SETD2: variants seen among roughly 807,000 people sequenced by gnomAD.
SETD2 encodes the protein histone-lysine N-methyltransferase SETD2.
In SETD2, 31 loss-of-function variants were observed where a neutral mutation model predicts 242.1. That is an observed-to-expected ratio of 0.13 (90% CI 0.10 to 0.17). The LOEUF (loss-of-function observed/expected upper bound fraction) is 0.17, where lower values mean the gene tolerates loss of function less well. SETD2 is among the 10% of genes least tolerant of loss of function. The pLI is 1.00. For missense variants in SETD2, 2,481 were observed against 3,046.3 expected (o/e 0.81, Z 4.37); for synonymous variants, 1,006 against 1,066.5 (o/e 0.94, Z 1.11).
chr3:47,094,354 T>C (rs545576562), intron 9 of SETD2, among the ~76,000 whole-genome samples: 1 of 152,270 alleles, frequency 6.6e-6, no homozygotes, highest in South Asian at 2.1e-4. Flanking sequence ...ACAGATGCAA[T>C]CATAAGAACA....
chr3:47,150,697 A>G (rs2043964168), intron 1 of SETD2, among the ~76,000 whole-genome samples: 1 of 152,064 alleles, frequency 6.6e-6, no homozygotes, highest in Non-Finnish European at 1.5e-5. Context: ...ATGTCTGGTA[A>G]TAGGCTGGGC....
At position 47,058,962 on chromosome 3, in the gene SETD2, TTTGTTG is replaced by T. The variant is rs545561796; in HGVS notation, c.6294-1478_6294-1473del. 1.6e-3 allele frequency among the ~76,000 whole-genome samples: 244 copies of T among 151,094 alleles called. 1 individual carries two copies. Among genetic ancestry groups the T allele is most frequent in the African/African-American group, 4.5e-3 (184 of 41,160 alleles). On this transcript the variant is annotated intron_variant, in intron 14 of 20. Coordinates refer to ENST00000409792, the MANE Select transcript of SETD2 (RefSeq NM_014159.7). ...GGTGCCCGCCACCATGCCTGGCTAA[TTTGTTG>T]TTGTTGTTGTTGTTGTATTTTTAGT...
At chr3:47,042,997 C>T (rs2039352437) in intron 16 of SETD2, among the ~76,000 whole-genome samples, 1 of 148,062 alleles carries the variant, frequency 6.8e-6, no homozygotes, top group South Asian at 2.1e-4. Flanking sequence ...CTGCAGGATA[C>T]CAATTAACTA....
Position 47,122,144 on chromosome 3 carries a change from G to T in SETD2, c.2492C>A (p.Ser831Ter), listed in dbSNP as rs2106670355. The T allele has an allele frequency of 1.2e-6, 2 of 1,613,884 alleles. No individual in the cohort carries two copies. The highest frequency in any genetic ancestry group is 1.1e-5 in the South Asian group (1 of 91,056). Reference sequence around the variant, plus strand: ...TCTACTATCACATATAACTGGTTTTGATTCCAAATGCACATTCATAAAGCT... The same window carrying T: ...TCTACTATCACATATAACTGGTTTTTATTCCAAATGCACATTCATAAAGCT... ...SNSFMNVHLE[S>*]KPVICDSRNL... Residue 831 changes from serine to a stop codon, truncating the protein, a stop_gained, in exon 3 of 21, where the codon TCA becomes TAA. Transcript: ENST00000409792. LOFTEE classifies it high-confidence loss of function.
intron 1 of SETD2, among the ~76,000 whole-genome samples, chr3:47,131,268 T>C (rs2043468298): frequency 6.6e-6 from 1 of 152,250 alleles, no homozygotes; most frequent in Non-Finnish European, 1.5e-5. Context: ...TTTTGTGCAA[T>C]TCTGAAAGTC....
chr3:47,103,286 T>C (rs1329874224), intron 7 of SETD2, 60 bp downstream of exon 7: 7 of 1,128,236 alleles, frequency 6.2e-6, no homozygotes, highest in African/African-American at 1.5e-5. Context: ...GATCTAAAAT[T>C]AATGGTCAGA....
chr3:47,122,168 C>T lies in SETD2; in HGVS notation c.2468G>A (p.Ser823Asn), dbSNP rs2043122241. 3 of 1,613,814 alleles carry T rather than the reference C, an allele frequency of 1.9e-6. No homozygotes were observed. The highest frequency in any genetic ancestry group is 2.5e-6 in the Non-Finnish European group (3 of 1,179,900). The change falls in exon 3 of 21, where the codon AGC (serine) becomes AAC (asparagine). Residue 823 changes from serine (S) to asparagine (N), a missense_variant. Physicochemically the swap from Ser to Asn is conservative, Grantham distance 46 (BLOSUM62 1). Transcript: ENST00000409792. ...TGATTCCAAATGCACATTCATAAAG[C>T]TATTTGAAGAAATCTTCATAACTGA... ...EPSVMKISSNSFMNVHLESKP... is the reference protein window; with the variant it reads ...EPSVMKISSNNFMNVHLESKP...
chr3:47,035,262 T>G (rs1049780755), intron 18 of SETD2, among the ~76,000 whole-genome samples: 2 of 152,212 alleles, frequency 1.3e-5, no homozygotes, highest in Non-Finnish European at 2.9e-5. Context: ...TGCTCTTGGG[T>G]GCTGAGCAGA....
chr3:47,123,839 T>C lies in SETD2; in HGVS notation c.797A>G (p.His266Arg), dbSNP rs2106713512. 6 of 1,549,088 alleles carry C rather than the reference T, an allele frequency of 3.9e-6. No individual in the cohort carries two copies. In the African/African-American group the frequency reaches 8.2e-5, roughly 21 times the overall value. Reference protein sequence around the residue: ...QDTISNSLEEHVTQILNEQAD... With the variant: ...QDTISNSLEERVTQILNEQAD... The stretch of plus-strand genomic sequence containing the variant: ...TTGCTCATTCAATATTTGAGTTACG[T>C]GTTCTTCTAAACTATTAGATATAGT... The change falls in exon 3 of 21, where the codon CAC becomes CGC. Residue 266 changes from histidine (H) to arginine (R), a missense_variant. His to Arg is a conservative substitution (Grantham distance 29). Around this residue, in one of 17 missense-constraint regions of SETD2, gnomAD observed 334 missense variants for 374.5 expected, o/e 0.89. Transcript: ENST00000409792.
At chr3:47,139,646 T>C (rs1398065034) in intron 1 of SETD2, among the ~76,000 whole-genome samples, 2 of 152,098 alleles carry the variant, frequency 1.3e-5, no homozygotes, top group African/African-American at 4.8e-5. Context: ...AAAACTGACA[T>C]GTAGAAAAAG....
In SETD2 at chr3:47,106,493, T is replaced by TAAAAAAAAAAAAA. The variant is rs766455577; in HGVS notation, c.4716-386_4716-374dup. Among the ~76,000 whole-genome samples, 13 of 57,260 alleles carry TAAAAAAAAAAAAA rather than the reference T, an allele frequency of 2.3e-4. 3 individuals carry two copies. Among genetic ancestry groups the TAAAAAAAAAAAAA allele is most frequent in the African/African-American group, 7.4e-4 (11 of 14,918 alleles). The allele number at this position is 57,260 out of a possible 152,430, so 37.6% of individuals were successfully genotyped here. A position where few individuals can be genotyped will look rare whatever the true frequency, so the allele number is the denominator to read the frequency against. The stretch of plus-strand genomic sequence containing the variant: ...CTGAAAAGTTAGAGGATTTTTGCTC[T>TAAAAAAAAAAAAA]AAAAAAAAAAAAAAAAAAAAAAAAA... On this transcript the variant is annotated intron_variant, in intron 5 of 20. Coordinates refer to ENST00000409792, the MANE Select transcript of SETD2 (RefSeq NM_014159.7).
chr3:47,024,244 G>A (rs1479115429), intron 18 of SETD2, among the ~76,000 whole-genome samples: 3 of 151,850 alleles, frequency 2.0e-5, no homozygotes, highest in African/African-American at 7.3e-5. Flanking sequence ...AGGCTGAGGC[G>A]GGTGGATCAC....
intron 12 of SETD2, among the ~76,000 whole-genome samples, chr3:47,067,345 T>C (rs2040600601): frequency 6.6e-6 from 1 of 150,822 alleles, no homozygotes; most frequent in South Asian, 2.1e-4. Flanking sequence ...ATCAAGCTTG[T>C]ACGATCTCAC....
intron 15 of SETD2, among the ~76,000 whole-genome samples, chr3:47,048,814 C>T (rs551836130): frequency 1.4e-4 from 21 of 151,724 alleles, no homozygotes; most frequent in African/African-American, 4.1e-4. Flanking sequence ...ACTACAGGTG[C>T]GTGCCACCAC....
In SETD2 at chr3:47,052,958, T is replaced by C. The variant is rs560969807; in HGVS notation, c.6963+3863A>G. Among the ~76,000 whole-genome samples the C allele has an allele frequency of 2.6e-5, 4 of 152,030 alleles. No homozygotes were observed. In the East Asian group the frequency reaches 7.8e-4, roughly 30 times the overall value. The stretch of plus-strand genomic sequence containing the variant: ...AGGCTAGAGTGCAATGGCGCAATCT[T>C]GGCTCACCACAACCTCCACCTCCTG... On this transcript the variant is annotated intron_variant, in intron 15 of 20. Coordinates refer to ENST00000409792, the MANE Select transcript of SETD2 (RefSeq NM_014159.7).
rs533328208 is a variant in SETD2, at chr3:47,062,158, C to CT, written c.6293+4dup. The CT allele has an allele frequency of 5.2e-5, 84 of 1,612,052 alleles. No homozygotes were observed. In the African/African-American group the frequency reaches 1.1e-3, roughly 21 times the overall value. ...AAAACAAAAAAACTCACACAGGCCACTTACCTGTCATCTGGCCTTTTTGTT... is the reference window on the plus strand; with the variant it reads ...AAAACAAAAAAACTCACACAGGCCACTTTACCTGTCATCTGGCCTTTTTGTT... On this transcript the variant is annotated splice_donor_region_variant and intron_variant, in intron 14 of 20. Coordinates refer to ENST00000409792, the MANE Select transcript of SETD2 (RefSeq NM_014159.7).
chr3:47,162,919 G>C (rs1242025782), intron 1 of SETD2, among the ~76,000 whole-genome samples: 1 of 152,174 alleles, frequency 6.6e-6, no homozygotes, highest in African/African-American at 2.4e-5. Flanking sequence ...AGGTGTCCTA[G>C]ACTGAAAAAT....
intron 6 of SETD2, among the ~76,000 whole-genome samples, chr3:47,103,742 A>ATG (rs1553695564): frequency 9.9e-6 from 1 of 101,316 alleles, no homozygotes; most frequent in Admixed American, 9.5e-5. Context: ...ATGCACACGC[A>ATG]CGCACACACA....
rs2106706838 is a variant in SETD2 at position 47,123,566 on chromosome 3, G to C, written c.1070C>G (p.Pro357Arg). 6.5e-7 allele frequency: 1 copy of C among 1,550,376 alleles called. No homozygotes were observed. Among genetic ancestry groups the C allele is most frequent in the South Asian group, 1.2e-5 (1 of 84,040 alleles). Residue 357 changes from proline to arginine, a missense_variant, in exon 3 of 21, where the codon CCT (proline) becomes CGT (arginine). Pro to Arg is a moderately radical substitution (Grantham distance 103). Transcript: ENST00000409792. ...KERDFKKSSAPLKSEDLGKPS... is the reference protein window; with the variant it reads ...KERDFKKSSARLKSEDLGKPS... ...TTTCCCTAGATCCTCACTTTTTAAA[G>C]GTGCTGAGCTCTTTTTAAAATCTCT...
Sources: gnomAD v4.1 joint callset for allele counts (sites outside exome capture counted in the v4.1 genomes callset) on GRCh38, gnomAD v4.1.1 for gene constraint, gnomAD v4.1.1 regional missense constraint, MANE v1.5 for transcripts, NCBI Gene and HGNC (gene_info 2026-07-23, HGNC 2026-07-21) for gene names.